The following COL24A1 variants were observed in gnomAD, a reference collection of about 807,000 sequenced individuals.
COL24A1 encodes collagen type XXIV alpha 1 chain.
A neutral mutation model predicts 253.9 loss-of-function variants in COL24A1; 224 were observed. The observed-to-expected ratio is 0.88, with a 90% CI of 0.79 to 0.99. The LOEUF is 0.99. Among genes scored for constraint, COL24A1 ranks in the 50% least tolerant of loss-of-function variants. COL24A1 has a pLI of 0.00. For missense variants in COL24A1, 2,131 were observed against 2,068.5 expected, an observed-to-expected ratio of 1.03 and a Z score of -0.59; for synonymous variants, 685 against 673.7, an observed-to-expected ratio of 1.02 and a Z score of -0.26.
intron 47 of COL24A1, among the ~76,000 whole-genome samples, chr1:85,799,980 A>C (rs1176897732): frequency 6.6e-6 from 1 of 152,200 alleles, no homozygotes; most frequent in Non-Finnish European, 1.5e-5. Flanking sequence ...TGTTTCTTTC[A>C]AAGTGCAATG....
chr1:85,999,268 G>C (rs927254052), intron 19 of COL24A1, among the ~76,000 whole-genome samples: 1 of 152,082 alleles, frequency 6.6e-6, no homozygotes, highest in Non-Finnish European at 1.5e-5. Context: ...AAGTTCAAAG[G>C]GCAGAAAGAC....
intron 16 of COL24A1, 47 bp from the exon 17 acceptor site, chr1:86,022,638 G>A: frequency 6.5e-7 from 1 of 1,550,152 alleles, no homozygotes. Context: ...TCACAAACAT[G>A]GCAATATTAT....
At chr1:86,002,554 A>G (rs1695529425) in intron 19 of COL24A1, among the ~76,000 whole-genome samples, 1 of 152,204 alleles carries the variant, frequency 6.6e-6, no homozygotes, top group East Asian at 1.9e-4. Flanking sequence ...CCTCTGTCAT[A>G]TGATACAGGT....
chr1:85,874,586 TA>T, intron 35 of COL24A1, 62 bp downstream of exon 35: 1 of 1,437,502 alleles, frequency 7.0e-7, no homozygotes, highest in Non-Finnish European at 9.6e-7. Context: ...TTTCGAATAA[TA>T]AGTTTTGAGC....
At chr1:85,998,291 AT>A (rs1695054823) in intron 19 of COL24A1, among the ~76,000 whole-genome samples, 1 of 152,138 alleles carries the variant, frequency 6.6e-6, no homozygotes, top group African/African-American at 2.4e-5. Context: ...TCAAACACCC[AT>A]GTACTCCATG....
intron 47 of COL24A1, among the ~76,000 whole-genome samples, chr1:85,816,477 C>T (rs913651533): frequency 3.9e-5 from 6 of 152,180 alleles, no homozygotes; most frequent in African/African-American, 1.4e-4. Context: ...ATTTGATGAA[C>T]TCAAAGTACA....
intron 7 of COL24A1, among the ~76,000 whole-genome samples, chr1:86,071,327 A>C (rs927664892): frequency 6.6e-6 from 1 of 152,282 alleles, no homozygotes; most frequent in Middle Eastern, 3.4e-3. Flanking sequence ...ACTGGAATGG[A>C]GGAAAGAAGG....
chr1:85,786,240 A>G lies in COL24A1; in HGVS notation c.4059+114T>C, dbSNP rs1669672391. 4 of 897,218 alleles carry G rather than the reference A, an allele frequency of 4.5e-6. No homozygotes were observed. The South Asian group carries it at 9.1e-5, about 20-fold the overall frequency. The allele number at this position is 897,218 out of a possible 1,614,324, so 55.6% of individuals were successfully genotyped here. A position where few individuals can be genotyped will look rare whatever the true frequency, so the allele number is the denominator to read the frequency against. ...CTTTTCCTAACGTGCTTTTACTATT[A>G]GCCAAATTCTATTAAAAACTATTAA... On this transcript the variant is annotated intron_variant, in intron 48 of 59. Coordinates refer to ENST00000370571, the MANE Select transcript of COL24A1 (RefSeq NM_152890.7).
At chr1:86,110,318 T>C (rs995080083) in intron 5 of COL24A1, among the ~76,000 whole-genome samples, 2 of 151,186 alleles carry the variant, frequency 1.3e-5, no homozygotes, top group East Asian at 3.9e-4. Flanking sequence ...GTAACCAACC[T>C]GTGTACCTGT....
At chr1:85,799,248 A>AAAGAAAGAAAG (rs376013377) in intron 47 of COL24A1, among the ~76,000 whole-genome samples, 8 of 144,312 alleles carry the variant, frequency 5.5e-5, no homozygotes, top group Admixed American at 7.0e-5. Flanking sequence ...AGAAAGAAAG[A>AAAGAAAGAAAG]AAAGAAAAGA....
At chr1:85,972,935 T>A (rs1692318601) in intron 20 of COL24A1, among the ~76,000 whole-genome samples, 1 of 152,220 alleles carries the variant, frequency 6.6e-6, no homozygotes, top group Non-Finnish European at 1.5e-5. Context: ...CTTCTGAAAT[T>A]GTTTAGAGTC....
At chr1:86,153,536 G>A (rs1653064960) in intron 1 of COL24A1, among the ~76,000 whole-genome samples, 1 of 152,152 alleles carries the variant, frequency 6.6e-6, no homozygotes. Flanking sequence ...ATAGTTGGAA[G>A]GCATGGCAAG....
rs544515659 is a variant in COL24A1 at position 86,066,222 on chromosome 1, C to G, written c.1708-2463G>C. ...AACTCACTCTTTTCCTTGAAATATC[C>G]TAAGTCTCCTTTTTTTTTTTTTTTT... On this transcript the variant is annotated intron_variant, in intron 7 of 59. Transcript: ENST00000370571. 2.0e-4 allele frequency among the ~76,000 whole-genome samples: 29 copies of G among 148,080 alleles called. No individual in the cohort carries two copies. The South Asian group carries it at 6.2e-3, about 32-fold the overall frequency.
At chr1:86,085,458 T>C (rs1334415008) in intron 7 of COL24A1, among the ~76,000 whole-genome samples, 1 of 152,188 alleles carries the variant, frequency 6.6e-6, no homozygotes, top group Non-Finnish European at 1.5e-5. Flanking sequence ...CTGCTCTGAG[T>C]TGTGGTAAGA....
intron 24 of COL24A1, among the ~76,000 whole-genome samples, chr1:85,920,449 T>C (rs1185938406): frequency 6.6e-6 from 1 of 152,192 alleles, no homozygotes; most frequent in Non-Finnish European, 1.5e-5. Flanking sequence ...GATACATTGG[T>C]TATATACTAT....
At chr1:85,822,777 C>T (rs1673794493) in intron 45 of COL24A1, among the ~76,000 whole-genome samples, 3 of 152,014 alleles carry the variant, frequency 2.0e-5, no homozygotes, top group East Asian at 3.9e-4. Context: ...TTAGCAAGAA[C>T]CTTCACCCTT....
At chr1:85,956,925 T>C (rs1190228558) in intron 24 of COL24A1, among the ~76,000 whole-genome samples, 1 of 152,200 alleles carries the variant, frequency 6.6e-6, no homozygotes. Flanking sequence ...CAGAAAGACA[T>C]AATGAAACTA....
chr1:85,804,421 AAAG>A (rs1671744174), intron 47 of COL24A1, among the ~76,000 whole-genome samples: 1 of 152,178 alleles, frequency 6.6e-6, no homozygotes, highest in Non-Finnish European at 1.5e-5. Context: ...GGAAATGAGG[AAAG>A]AAGGAGAAAT....
chr1:85,873,772 A>G (rs181050868), intron 35 of COL24A1, among the ~76,000 whole-genome samples: 2 of 152,238 alleles, frequency 1.3e-5, no homozygotes, highest in Admixed American at 1.3e-4. Flanking sequence ...TGGCACATGT[A>G]TACATATGTA....
Sources: allele counts gnomAD v4.1 joint callset (sites outside exome capture counted in the v4.1 genomes callset), GRCh38; gene constraint gnomAD v4.1.1; transcripts MANE v1.5; gene names NCBI Gene and HGNC (gene_info 2026-07-23, HGNC 2026-07-21).